Variants in ITGAE observed in about 807,000 individuals in gnomAD.
ITGAE encodes integrin alpha-E.
A neutral mutation model predicts 136.5 loss-of-function variants in ITGAE; 99 were observed. That is an observed-to-expected ratio of 0.73 (90% CI 0.62 to 0.86). The LOEUF (loss-of-function observed/expected upper bound fraction) is 0.86, where lower values mean the gene tolerates loss of function less well. Among genes scored for constraint, ITGAE ranks in the 40% least tolerant of loss-of-function variants. The pLI, the probability that ITGAE is intolerant of heterozygous loss-of-function variation, is 0.00. For synonymous variants in ITGAE, 613 were observed against 591.8 expected (o/e 1.04, Z -0.52); for missense variants, 1,447 against 1,515.3 (o/e 0.95, Z 0.75).
chr17:3,790,525 C>CG (rs2052913349), intron 1 of ITGAE, among the ~76,000 whole-genome samples: 1 of 146,280 alleles, frequency 6.8e-6, no homozygotes, highest in South Asian at 2.1e-4. Flanking sequence ...CACACACACA[C>CG]ACACACAAAA....
At chr17:3,722,172 GAAAGA>G (rs753183719) in intron 28 of ITGAE, among the ~76,000 whole-genome samples, 6 of 145,904 alleles carry the variant, frequency 4.1e-5, no homozygotes, top group South Asian at 2.2e-4. Context: ...CGTCTTGAAA[GAAAGA>G]AAAGAAAAGA....
At chr17:3,761,644 G>A in intron 4 of ITGAE, 124 bp from the exon 5 acceptor site, 1 of 875,172 alleles carries the variant, frequency 1.1e-6, no homozygotes, top group Non-Finnish European at 1.8e-6. Flanking sequence ...AGGAAGAGCT[G>A]GCCCACCCCT....
At chr17:3,750,192 AG>A (rs1246447795) in intron 16 of ITGAE, among the ~76,000 whole-genome samples, 159 bp downstream of exon 16, 1 of 152,104 alleles carries the variant, frequency 6.6e-6, no homozygotes, top group Non-Finnish European at 1.5e-5. Flanking sequence ...GAGGGCTGAG[AG>A]CTGAGGTTCA....
chr17:3,773,067 C>T (rs1033170070), intron 2 of ITGAE, among the ~76,000 whole-genome samples: 1 of 152,314 alleles, frequency 6.6e-6, no homozygotes, highest in East Asian at 1.9e-4. Context: ...CACCAGCCGC[C>T]GGTTATTTCA....
chr17:3,725,802 G>A lies in ITGAE; in HGVS notation c.3085-2058C>T, dbSNP rs1204586750. ...AATGCGAACCAAGTTGTCTTCCTTG[G>A]CTACTGCAAAGAGCATTCTACACCA... On this transcript the variant is annotated intron_variant, in intron 26 of 30. Coordinates refer to ENST00000263087, the MANE Select transcript of ITGAE (RefSeq NM_002208.5). The A allele has an allele frequency of 1.2e-5, 19 of 1,609,254 alleles. No individual in the cohort carries two copies. The highest frequency in any genetic ancestry group is 8.0e-5 in the African/African-American group (6 of 74,722).
Position 3,753,337 on chromosome 17 carries a change from C to A in ITGAE, c.1621G>T (p.Val541Phe), listed in dbSNP as rs376435630. ...TAGACTCTGCCTTCTTCTCCATGAA[C>A]GTGGTAAAATGGAGCAGCCACCAGC... Reference protein sequence around the residue: ...FLLVAAPFYHVHGEEGRVYVY... With the variant: ...FLLVAAPFYHFHGEEGRVYVY... Residue 541 changes from valine (V) to phenylalanine (F), a missense_variant, in exon 14 of 31, where the codon GTT becomes TTT. Val to Phe is a conservative substitution (Grantham distance 50). Around this residue, in one of 3 missense-constraint regions of ITGAE, gnomAD observed 1,031 missense variants for 1,011.4 expected, o/e 1.02. Transcript: ENST00000263087. The A allele has an allele frequency of 4.3e-6, 7 of 1,614,176 alleles. No individual in the cohort carries two copies. Among genetic ancestry groups the A allele is most frequent in the Non-Finnish European group, 5.9e-6 (7 of 1,180,020 alleles).
rs377088237 is a variant in ITGAE at position 3,761,376 on chromosome 17, C to T, written c.433+27G>A. 25 of 1,596,214 alleles carry T rather than the reference C, an allele frequency of 1.6e-5. No homozygotes were observed. In the African/African-American group the frequency reaches 1.7e-4, roughly 11 times the overall value. On this transcript the variant is annotated intron_variant, in intron 5 of 30. Coordinates refer to ENST00000263087, the MANE Select transcript of ITGAE (RefSeq NM_002208.5). ...CCAAGGAGATCTCTTTAGAGCTATC[C>T]AAGGCCAGTGAATGTCCAATCCTTA... is the stretch of plus-strand genomic sequence containing the variant.
chr17:3,732,302 G>C (rs1294099819), intron 22 of ITGAE, 66 bp downstream of exon 22: 2 of 1,191,702 alleles, frequency 1.7e-6, no homozygotes, highest in Admixed American at 3.4e-5. Context: ...ATTGAGATGA[G>C]ACCAAGATGC....
chr17:3,735,012 C>T, intron 20 of ITGAE, 63 bp from the exon 21 acceptor site: 1 of 1,573,772 alleles, frequency 6.4e-7, no homozygotes, highest in South Asian at 1.1e-5. Context: ...CAACGCAATA[C>T]AATAGGACAT....
At chr17:3,748,445 G>A (rs1305134889) in intron 16 of ITGAE, among the ~76,000 whole-genome samples, 1 of 152,052 alleles carries the variant, frequency 6.6e-6, no homozygotes, top group Non-Finnish European at 1.5e-5. Flanking sequence ...AAATTAGCTG[G>A]GTGTGGTGGC....
rs1471903899 is a variant in ITGAE at position 3,714,749 on chromosome 17, G to A, written c.*98C>T. ...ACTAATATTCTACCAACAGCTCCAT[G>A]CTGCTCTAGATCATCCTGAAGGAAA... On this transcript the variant is annotated 3_prime_UTR_variant, in exon 31 of 31. Transcript: ENST00000263087. 1 of 670,506 alleles carries A rather than the reference G, an allele frequency of 1.5e-6. No homozygotes were observed. The highest frequency in any genetic ancestry group is 1.8e-5 in the South Asian group (1 of 55,590). 41.5% of individuals were successfully genotyped at this position (670,506 alleles called of 1,614,324 possible). A position where few individuals can be genotyped will look rare whatever the true frequency, so the allele number is the denominator to read the frequency against.
intron 21 of ITGAE, among the ~76,000 whole-genome samples, chr17:3,733,635 G>C (rs1215218027): frequency 6.6e-6 from 1 of 152,144 alleles, no homozygotes; most frequent in Non-Finnish European, 1.5e-5. Flanking sequence ...TGGCCAGGCT[G>C]GTCTCGAACT....
intron 4 of ITGAE, 103 bp from the exon 5 acceptor site, chr17:3,761,623 G>A (rs1230687432): frequency 8.2e-6 from 9 of 1,099,750 alleles, no homozygotes; most frequent in Non-Finnish European, 9.2e-6. Context: ...GCTCAACCAG[G>A]CAGGGGGCAC....
chr17:3,726,322 T>C lies in ITGAE; in HGVS notation c.3084+1597A>G. On this transcript the variant is annotated intron_variant, in intron 26 of 30. Coordinates refer to ENST00000263087, the MANE Select transcript of ITGAE (RefSeq NM_002208.5). Reference sequence around the variant, plus strand: ...ACTGACTTGCTCTGCCAGCACAGTCTGTTTAAGTAAGCTAAATGTATCTTA... The same window carrying C: ...ACTGACTTGCTCTGCCAGCACAGTCCGTTTAAGTAAGCTAAATGTATCTTA... The C allele has an allele frequency of 2.5e-6, 4 of 1,607,526 alleles. No homozygotes were observed. The Middle Eastern group carries it at 5.0e-4, about 200-fold the overall frequency.
In ITGAE at chr17:3,728,124, T is replaced by C; in HGVS notation, c.2957A>G (p.His986Arg). 1 of 1,613,334 alleles carries C rather than the reference T, an allele frequency of 6.2e-7. No individual in the cohort carries two copies. The highest frequency in any genetic ancestry group is 1.3e-5 in the African/African-American group (1 of 75,032). Reference sequence around the variant, plus strand: ...ACTTACATGGAAGAGGAATTCTTTGTGGTGAGAAAGCCCCTGGCCTGTGTT... The same window carrying C: ...ACTTACATGGAAGAGGAATTCTTTGCGGTGAGAAAGCCCCTGGCCTGTGTT... ...YVNTGQGLSH[H>R]KEFLFHVHGE... is the part of the protein sequence containing the mutation. The change falls in exon 25 of 31, where the codon CAC (histidine) becomes CGC (arginine). Residue 986 changes from histidine (H) to arginine (R), a missense_variant. Physicochemically the swap from His to Arg is conservative, Grantham distance 29 (BLOSUM62 0). Coordinates refer to ENST00000263087, the MANE Select transcript of ITGAE (RefSeq NM_002208.5).
rs749194205 is a variant in ITGAE at position 3,757,062 on chromosome 17, G to A, written c.1093C>T (p.His365Tyr). ...ATGTAGTTGGTCACCTTGAAAGCATGGGTCTCATCCGGGTCTGAGGCGATC... is the reference window on the plus strand; with the variant it reads ...ATGTAGTTGGTCACCTTGAAAGCATAGGTCTCATCCGGGTCTGAGGCGATC... ...NLIASDPDET[H>Y]AFKVTNYMAL... The change falls in exon 10 of 31, where the codon CAT becomes TAT. Residue 365 changes from histidine to tyrosine, a missense_variant. By Grantham distance (83) the His-to-Tyr change is moderately conservative (BLOSUM62 2). Coordinates refer to ENST00000263087, the MANE Select transcript of ITGAE (RefSeq NM_002208.5). The A allele has an allele frequency of 1.9e-6, 3 of 1,614,216 alleles. No homozygotes were observed. Among genetic ancestry groups the A allele is most frequent in the Non-Finnish European group, 2.5e-6 (3 of 1,180,036 alleles).
At chr17:3,783,502 C>T (rs1220903795) in intron 1 of ITGAE, among the ~76,000 whole-genome samples, 3 of 152,212 alleles carry the variant, frequency 2.0e-5, no homozygotes, top group East Asian at 1.9e-4. Flanking sequence ...CATGACAATA[C>T]ATTTTATACG....
chr17:3,788,822 A>T (rs554249352), intron 1 of ITGAE, among the ~76,000 whole-genome samples: 3 of 144,308 alleles, frequency 2.1e-5, no homozygotes, highest in Admixed American at 1.4e-4. Context: ...TAAAAATAAT[A>T]ATTATTAAAA....
At chr17:3,761,762 A>G (rs1455833354) in intron 4 of ITGAE, among the ~76,000 whole-genome samples, 153 bp downstream of exon 4, 1 of 152,194 alleles carries the variant, frequency 6.6e-6, no homozygotes, top group Non-Finnish European at 1.5e-5. Context: ...GGGTGGTCAG[A>G]GCTACAGTCA....
Sources: gnomAD v4.1 joint callset for allele counts (sites outside exome capture counted in the v4.1 genomes callset) on GRCh38, gnomAD v4.1.1 for gene constraint, gnomAD v4.1.1 regional missense constraint, MANE v1.5 for transcripts, NCBI Gene and HGNC (gene_info 2026-07-23, HGNC 2026-07-21) for gene names.